Variants in AFF2 observed in about 807,000 individuals in gnomAD.
AFF2 encodes ALF transcription elongation factor 2, also known as AF4/FMR2 family member 2.
AFF2 carries 14 observed loss-of-function variants against 76.9 expected under a neutral mutation model. That is an observed-to-expected ratio of 0.18 (90% CI 0.12 to 0.28). The LOEUF is 0.28. AFF2 is among the 10% of genes least tolerant of loss of function. AFF2 has a pLI of 1.00. For missense variants in AFF2, 868 were observed against 1,001.1 expected, an observed-to-expected ratio of 0.87 and a Z score of 1.79; for synonymous variants, 398 against 366.7, an observed-to-expected ratio of 1.09 and a Z score of -0.98.
In AFF2 at chrX:148,842,248, T is replaced by A. The variant is rs186519891; in HGVS notation, c.1174-718T>A. ...CTTTTGCCTTCAAGTTTTGTCAGTATCCACACAGGTGTGCCACACTCCAAG... is the reference window on the plus strand; with the variant it reads ...CTTTTGCCTTCAAGTTTTGTCAGTAACCACACAGGTGTGCCACACTCCAAG... On this transcript the variant is annotated intron_variant, in intron 5 of 20. Coordinates refer to ENST00000370460, the MANE Select transcript of AFF2 (RefSeq NM_002025.4). 1.5e-3 allele frequency among the ~76,000 whole-genome samples: 169 copies of A among 112,554 alleles called. 1 individual carries two copies. Among genetic ancestry groups the A allele is most frequent in the Non-Finnish European group, 2.7e-3 (142 of 53,312 alleles).
intron 8 of AFF2, among the ~76,000 whole-genome samples, chrX:148,892,865 TATC>T (rs2071239724): frequency 8.9e-6 from 1 of 111,904 alleles, no homozygotes; most frequent in East Asian, 2.8e-4. Flanking sequence ...TTTACTTTGT[TATC>T]AGCAGAAAGG....
chrX:148,910,247 A>G (rs2071453909), intron 9 of AFF2, among the ~76,000 whole-genome samples: 1 of 112,556 alleles, frequency 8.9e-6, no homozygotes, highest in African/African-American at 3.2e-5. Context: ...TGGTGCTTTC[A>G]TTAGTGAAAA....
intron 1 of AFF2, among the ~76,000 whole-genome samples, chrX:148,533,918 T>A (rs1472397728): frequency 1.8e-5 from 2 of 111,960 alleles, no homozygotes; most frequent in African/African-American, 6.5e-5. Flanking sequence ...ATAATAAATG[T>A]TAAATCTCTT....
At chrX:148,771,086 G>A (rs1198483863) in intron 3 of AFF2, among the ~76,000 whole-genome samples, 1 of 112,235 alleles carries the variant, frequency 8.9e-6, no homozygotes, top group Non-Finnish European at 1.9e-5. Context: ...AAGATTCAGT[G>A]CTAATTCTAT....
rs1363970148 is a variant in AFF2, at chrX:148,721,943, A to G, written c.1041+59175A>G. Reference sequence around the variant, plus strand: ...CTCTTCTCATAAGGACATCAGTCATATTGGATTTAGAGTGCACCCTACTCT... The same window carrying G: ...CTCTTCTCATAAGGACATCAGTCATGTTGGATTTAGAGTGCACCCTACTCT... On this transcript the variant is annotated intron_variant, in intron 3 of 20. Coordinates refer to ENST00000370460, the MANE Select transcript of AFF2 (RefSeq NM_002025.4). Among the ~76,000 whole-genome samples the G allele has an allele frequency of 1.8e-5, 2 of 111,644 alleles. 1 individual carries two copies. The highest frequency in any genetic ancestry group is 3.8e-5 in the Non-Finnish European group (2 of 53,119).
intron 4 of AFF2, among the ~76,000 whole-genome samples, chrX:148,836,323 T>A (rs1356011035): frequency 5.3e-5 from 6 of 112,153 alleles, no homozygotes; most frequent in Admixed American, 9.5e-5. Flanking sequence ...GCAGTGCCAC[T>A]GTGAATGAAT....
intron 1 of AFF2, among the ~76,000 whole-genome samples, chrX:148,620,411 T>C (rs2053854559): frequency 9.0e-6 from 1 of 111,255 alleles, no homozygotes; most frequent in African/African-American, 3.3e-5. Context: ...GTAAGGACCT[T>C]TAAAAATATA....
intron 1 of AFF2, among the ~76,000 whole-genome samples, chrX:148,533,983 C>A (rs1282839300): frequency 8.9e-6 from 1 of 111,957 alleles, no homozygotes; most frequent in Non-Finnish European, 1.9e-5. Flanking sequence ...CTTTTAAAAA[C>A]CATACTTCAA....
At chrX:148,964,043 A>AAGAAAT (rs1197086008) in intron 13 of AFF2, among the ~76,000 whole-genome samples, 1 of 112,426 alleles carries the variant, frequency 8.9e-6, no homozygotes, top group Non-Finnish European at 1.9e-5. Flanking sequence ...ACAGAAATAT[A>AAGAAAT]AGAAATACAT....
At chrX:148,613,111 A>G (rs1367998846) in intron 1 of AFF2, among the ~76,000 whole-genome samples, 3 of 111,512 alleles carry the variant, frequency 2.7e-5, no homozygotes, top group African/African-American at 9.8e-5. Context: ...CCCCTAATAT[A>G]TTAGGCCATA....
chrX:148,532,208 A>G (rs1463524861), intron 1 of AFF2, among the ~76,000 whole-genome samples: 7 of 112,450 alleles, frequency 6.2e-5, no homozygotes, highest in African/African-American at 2.3e-4. Context: ...AATAAACCAT[A>G]TGAAAATGCT....
intron 3 of AFF2, among the ~76,000 whole-genome samples, chrX:148,729,356 A>G (rs1464571472): frequency 4.5e-5 from 5 of 112,130 alleles, no homozygotes; most frequent in African/African-American, 1.6e-4. Context: ...GACATTTTTC[A>G]TTCATTGAAG....
At chrX:148,663,574 T>C (rs2054329429) in intron 3 of AFF2, among the ~76,000 whole-genome samples, 1 of 112,454 alleles carries the variant, frequency 8.9e-6, no homozygotes, top group South Asian at 3.6e-4. Context: ...GTGGGGGTCA[T>C]GCATGGTGCT....
At chrX:148,795,365 A>T (rs1177197490) in intron 3 of AFF2, among the ~76,000 whole-genome samples, 1 of 111,003 alleles carries the variant, frequency 9.0e-6, no homozygotes, top group Non-Finnish European at 1.9e-5. Context: ...GAAAATGCTA[A>T]TTGTAAAGCT....
Position 148,563,896 on chromosome X carries a change from A to G in AFF2, c.47+62752A>G, listed in dbSNP as rs782267272. ...TAGTGTCAGTGTCAGTGACCAGCAC[A>G]TGCCAGGTGTTTTATAAATGCTTGT... On this transcript the variant is annotated intron_variant, in intron 1 of 20. Coordinates refer to ENST00000370460, the MANE Select transcript of AFF2 (RefSeq NM_002025.4). Among the ~76,000 whole-genome samples, 14 of 111,695 alleles carry G rather than the reference A, an allele frequency of 1.3e-4. No individual in the cohort carries two copies. In the South Asian group the frequency reaches 4.9e-3, roughly 39 times the overall value.
intron 1 of AFF2, among the ~76,000 whole-genome samples, chrX:148,561,261 A>T (rs1330502645): frequency 4.5e-5 from 5 of 112,160 alleles, no homozygotes; most frequent in Non-Finnish European, 7.5e-5. Context: ...TCCTAAATAT[A>T]ACCTTGGGTC....
chrX:148,662,477 G>A lies in AFF2; in HGVS notation c.750G>A (p.Gly250=). ...EESEFAVQAP[G]SPLVASSLLA... ...CTGAATTCGCCGTGCAAGCGCCTGG[G>A]TCTCCCCTAGTGGCTTCCTCTTTAT... Residue 250 remains glycine, a synonymous_variant, in exon 3 of 21, where the codon GGG becomes GGA. Coordinates refer to ENST00000370460, the MANE Select transcript of AFF2 (RefSeq NM_002025.4). 1.7e-6 allele frequency: 2 copies of A among 1,211,847 alleles called. No homozygotes were observed. The highest frequency in any genetic ancestry group is 2.2e-6 in the Non-Finnish European group (2 of 895,559).
At chrX:148,830,275 G>A (rs2070437545) in intron 4 of AFF2, among the ~76,000 whole-genome samples, 1 of 112,360 alleles carries the variant, frequency 8.9e-6, no homozygotes, top group Admixed American at 9.4e-5. Context: ...AGGGGGCCTA[G>A]TAGGAGAAAC....
At chrX:148,805,862 G>A (rs1021652959) in intron 3 of AFF2, among the ~76,000 whole-genome samples, 3 of 112,386 alleles carry the variant, frequency 2.7e-5, no homozygotes, top group Non-Finnish European at 5.6e-5. Context: ...GACCACATCC[G>A]TGCCCAGCAC....
Sources: gnomAD v4.1 joint callset for allele counts (sites outside exome capture counted in the v4.1 genomes callset) on GRCh38, gnomAD v4.1.1 for gene constraint, MANE v1.5 for transcripts, NCBI Gene and HGNC (gene_info 2026-07-23, HGNC 2026-07-21) for gene names.